The following FBXL17 variants were observed in gnomAD, a reference collection of about 807,000 sequenced individuals.
FBXL17 encodes the protein F-box/LRR-repeat protein 17.
A neutral mutation model predicts 66.2 loss-of-function variants in FBXL17; 22 were observed. That is an observed-to-expected ratio of 0.33 (90% confidence interval 0.24 to 0.47). The LOEUF (loss-of-function observed/expected upper bound fraction) is 0.47, where lower values mean the gene tolerates loss of function less well. FBXL17 is among the 20% of genes least tolerant of loss of function. The pLI is 1.00. For missense variants in FBXL17, 878 were observed against 948.2 expected, an observed-to-expected ratio of 0.93 and a Z score of 0.97; for synonymous variants, 474 against 400.5, an observed-to-expected ratio of 1.18 and a Z score of -2.19.
intron 4 of FBXL17, among the ~76,000 whole-genome samples, chr5:108,225,862 C>G (rs990672366): frequency 6.6e-6 from 1 of 152,188 alleles, no homozygotes; most frequent in Non-Finnish European, 1.5e-5. Context: ...CAGTATCTGA[C>G]ACAACTGATG....
At chr5:108,332,485 T>C (rs894305264) in intron 4 of FBXL17, among the ~76,000 whole-genome samples, 13 of 152,214 alleles carry the variant, frequency 8.5e-5, no homozygotes, top group African/African-American at 2.2e-4. Context: ...AGAAGGATTA[T>C]AGGAATTACC....
At chr5:108,142,910 C>A (rs1311946137) in intron 6 of FBXL17, among the ~76,000 whole-genome samples, 1 of 151,710 alleles carries the variant, frequency 6.6e-6, no homozygotes, top group African/African-American at 2.4e-5. Flanking sequence ...GTGCAGCAAA[C>A]CACCATGGCA....
chr5:107,984,192 A>G (rs929283919), intron 7 of FBXL17, among the ~76,000 whole-genome samples: 10 of 152,052 alleles, frequency 6.6e-5, no homozygotes, highest in African/African-American at 2.4e-4. Flanking sequence ...AGTTATATAG[A>G]GGTAATATTA....
At chr5:108,086,222 C>T (rs1167413829) in intron 6 of FBXL17, among the ~76,000 whole-genome samples, 7 of 152,076 alleles carry the variant, frequency 4.6e-5, no homozygotes, top group Admixed American at 3.9e-4. Context: ...GTCACAGTCT[C>T]CCTTCTCCCT....
Position 108,169,794 on chromosome 5 carries a change from C to A in FBXL17, c.1745+16323G>T, listed in dbSNP as rs146362489. ...TCTATCTTGTTCAACTTGAGTAGGT[C>A]AATTTTCTTTTATCTTACCTTGAAC... On this transcript the variant is annotated intron_variant, in intron 6 of 8. Transcript: ENST00000542267. 8.3e-4 allele frequency among the ~76,000 whole-genome samples: 127 copies of A among 152,150 alleles called. 2 individuals carry two copies. The East Asian group carries it at 0.023, about 28-fold the overall frequency.
intron 7 of FBXL17, among the ~76,000 whole-genome samples, chr5:107,942,634 C>A (rs543758513): frequency 6.6e-6 from 1 of 152,252 alleles, no homozygotes; most frequent in South Asian, 2.1e-4. Context: ...TGCAGCCAAC[C>A]TCTTCACCTG....
chr5:107,946,680 T>C (rs1259255117), intron 7 of FBXL17, among the ~76,000 whole-genome samples: 2 of 151,992 alleles, frequency 1.3e-5, no homozygotes, highest in Non-Finnish European at 2.9e-5. Context: ...TGCATAATTT[T>C]TGGGCTGGAG....
Position 108,308,354 on chromosome 5 carries a change from A to G in FBXL17, c.1506+40045T>C, listed in dbSNP as rs530274831. ...TGTTATCTCATTATAATAATCCTAT[A>G]AGGAAAATATTCCCATTTTATAGAT... On this transcript the variant is annotated intron_variant, in intron 4 of 8. Coordinates refer to ENST00000542267, the MANE Select transcript of FBXL17 (RefSeq NM_001163315.3). Among the ~76,000 whole-genome samples, 48 of 152,228 alleles carry G rather than the reference A, an allele frequency of 3.2e-4. 1 individual carries two copies. Among genetic ancestry groups the G allele is most frequent in the African/African-American group, 1.1e-3 (46 of 41,544 alleles).
chr5:107,982,572 C>T (rs1752869664), intron 7 of FBXL17, among the ~76,000 whole-genome samples: 1 of 152,178 alleles, frequency 6.6e-6, no homozygotes, highest in South Asian at 2.1e-4. Flanking sequence ...GCTAAAGGTG[C>T]TGCTTAGCTA....
At chr5:108,073,164 A>C (rs1748407669) in intron 6 of FBXL17, among the ~76,000 whole-genome samples, 1 of 152,192 alleles carries the variant, frequency 6.6e-6, no homozygotes, top group Admixed American at 6.5e-5. Context: ...TATACTTCTA[A>C]ACTGAGTAAC....
intron 6 of FBXL17, among the ~76,000 whole-genome samples, chr5:108,024,400 A>G (rs1174406951): frequency 6.6e-6 from 1 of 152,170 alleles, no homozygotes; most frequent in Non-Finnish European, 1.5e-5. Context: ...TTCTAGTCTT[A>G]CCTCCAGGGA....
At chr5:107,879,277 A>G (rs904317314) in intron 8 of FBXL17, 2 of 985,346 alleles carry the variant, frequency 2.0e-6, no homozygotes, top group African/African-American at 3.5e-5. Context: ...GTTAGCATTC[A>G]TGTGGCAGTT....
intron 5 of FBXL17, among the ~76,000 whole-genome samples, chr5:108,217,739 C>T (rs1288948720): frequency 1.3e-5 from 2 of 152,144 alleles, no homozygotes; most frequent in African/African-American, 4.8e-5. Flanking sequence ...TGCTGCCTAA[C>T]TGAAATTTTG....
At chr5:108,379,443 T>C (rs1284377882) in intron 1 of FBXL17, among the ~76,000 whole-genome samples, 2 of 152,214 alleles carry the variant, frequency 1.3e-5, no homozygotes. Flanking sequence ...TCATTACATT[T>C]TGACACAAGG....
chr5:108,374,531 G>A (rs575160897), intron 1 of FBXL17, among the ~76,000 whole-genome samples: 46 of 152,070 alleles, frequency 3.0e-4, no homozygotes, highest in African/African-American at 9.2e-4. Flanking sequence ...AAAATTAGCC[G>A]GGCGTGGTGG....
At chr5:107,923,137 G>C (rs555102924) in intron 7 of FBXL17, among the ~76,000 whole-genome samples, 3 of 152,152 alleles carry the variant, frequency 2.0e-5, no homozygotes, top group African/African-American at 4.8e-5. Context: ...AGTATGTTGT[G>C]GGGAGGAGGA....
At chr5:108,229,784 C>T (rs1047185278) in intron 4 of FBXL17, among the ~76,000 whole-genome samples, 1 of 152,028 alleles carries the variant, frequency 6.6e-6, no homozygotes, top group Non-Finnish European at 1.5e-5. Context: ...ACAGACAACC[C>T]AAACAGTGGG....
intron 3 of FBXL17, among the ~76,000 whole-genome samples, chr5:108,354,458 G>GA (rs199912505): frequency 5.3e-5 from 8 of 151,056 alleles, no homozygotes; most frequent in Non-Finnish European, 1.2e-4. Context: ...AAAAAAGACT[G>GA]AAAAAAAATG....
intron 6 of FBXL17, among the ~76,000 whole-genome samples, chr5:108,059,631 C>T (rs961726314): frequency 8.5e-5 from 13 of 152,144 alleles, no homozygotes; most frequent in African/African-American, 3.1e-4. Flanking sequence ...TCTTGCTTTG[C>T]TGTTTTTGTT....
Sources: allele counts gnomAD v4.1 joint callset (sites outside exome capture counted in the v4.1 genomes callset), GRCh38; gene constraint gnomAD v4.1.1; transcripts MANE v1.5; gene names NCBI Gene and HGNC (gene_info 2026-07-23, HGNC 2026-07-21).